Variants in CDH18 observed in about 807,000 individuals in gnomAD.
CDH18 encodes cadherin 18.
Under a neutral mutation model 67.9 loss-of-function variants are expected in CDH18, and 31 were observed. That is an observed-to-expected ratio of 0.46 (90% confidence interval 0.34 to 0.62). The LOEUF (loss-of-function observed/expected upper bound fraction) is 0.62. CDH18 is among the 20% of genes least tolerant of loss of function. CDH18 has a pLI of 0.01. For synonymous variants in CDH18, 362 were observed against 347.2 expected, an observed-to-expected ratio of 1.04 and a Z score of -0.48; for missense variants, 890 against 975.5, an observed-to-expected ratio of 0.91 and a Z score of 1.17.
chr5:20,281,540 G>A (rs1746273338), intron 1 of CDH18, among the ~76,000 whole-genome samples: 1 of 152,036 alleles, frequency 6.6e-6, no homozygotes, highest in Non-Finnish European at 1.5e-5. Context: ...TTATTTCTGA[G>A]GGCTCTGTTC....
chr5:19,666,684 C>A (rs533253617), intron 5 of CDH18, among the ~76,000 whole-genome samples: 1 of 152,136 alleles, frequency 6.6e-6, no homozygotes, highest in African/African-American at 2.4e-5. Flanking sequence ...AGCTAACCTC[C>A]CAAAAGACAA....
intron 2 of CDH18, among the ~76,000 whole-genome samples, chr5:19,869,502 T>A (rs1785979239): frequency 6.6e-6 from 1 of 152,102 alleles, no homozygotes. Context: ...GAGTTGGTTT[T>A]TATTTTCTCT....
At chr5:20,194,792 C>A (rs1227495711) in intron 2 of CDH18, among the ~76,000 whole-genome samples, 1 of 151,862 alleles carries the variant, frequency 6.6e-6, no homozygotes, top group Admixed American at 6.6e-5. Flanking sequence ...GGATTTTCTT[C>A]CTCCCTCGTT....
chr5:19,877,356 C>T (rs1787137991), intron 2 of CDH18, among the ~76,000 whole-genome samples: 1 of 152,048 alleles, frequency 6.6e-6, no homozygotes, highest in Non-Finnish European at 1.5e-5. Flanking sequence ...TGTGGGTATG[C>T]TTTGATTGAG....
intron 5 of CDH18, among the ~76,000 whole-genome samples, chr5:19,679,403 A>T (rs1468207272): frequency 1.3e-5 from 2 of 152,020 alleles, no homozygotes; most frequent in Non-Finnish European, 2.9e-5. Context: ...CAAGACAAGC[A>T]TGCCTGCTCT....
chr5:20,501,581 T>TA (rs1554010522), intron 1 of CDH18, among the ~76,000 whole-genome samples: 2 of 13,040 alleles, frequency 1.5e-4, no homozygotes, highest in African/African-American at 4.1e-4. Flanking sequence ...TATATATATA[T>TA]TATATATATA....
At chr5:19,525,215 T>G (rs971346924) in intron 9 of CDH18, among the ~76,000 whole-genome samples, 4 of 152,208 alleles carry the variant, frequency 2.6e-5, no homozygotes, top group Admixed American at 2.6e-4. Flanking sequence ...CTGTCCTACC[T>G]CTGCCTTGTT....
At chr5:19,627,281 A>G (rs1751693490) in intron 5 of CDH18, among the ~76,000 whole-genome samples, 1 of 152,224 alleles carries the variant, frequency 6.6e-6, no homozygotes, top group South Asian at 2.1e-4. Context: ...AATAAAAATG[A>G]TTTTTAGCTT....
chr5:19,609,241 C>A (rs1323956581), intron 6 of CDH18, among the ~76,000 whole-genome samples: 2 of 151,852 alleles, frequency 1.3e-5, no homozygotes, highest in African/African-American at 4.8e-5. Flanking sequence ...GAATTTCAAG[C>A]CATAGATGGG....
intron 5 of CDH18, among the ~76,000 whole-genome samples, chr5:19,620,473 G>A (rs912099798): frequency 6.6e-6 from 1 of 152,070 alleles, no homozygotes; most frequent in Non-Finnish European, 1.5e-5. Flanking sequence ...TTTAGCCCTT[G>A]TAACTTGCAG....
At chr5:19,813,923 G>C (rs1468016493) in intron 3 of CDH18, among the ~76,000 whole-genome samples, 1 of 151,786 alleles carries the variant, frequency 6.6e-6, no homozygotes. Flanking sequence ...TGTGTGTTAA[G>C]TCTATTGAGA....
At chr5:19,601,771 T>A (rs1282549975) in intron 6 of CDH18, among the ~76,000 whole-genome samples, 1 of 152,100 alleles carries the variant, frequency 6.6e-6, no homozygotes, top group African/African-American at 2.4e-5. Flanking sequence ...GGGATTTTTT[T>A]TCCTGGAATA....
chr5:19,647,305 G>A (rs1421397552), intron 5 of CDH18, among the ~76,000 whole-genome samples: 1 of 151,596 alleles, frequency 6.6e-6, no homozygotes, highest in Non-Finnish European at 1.5e-5. Flanking sequence ...GGCGGATCAC[G>A]AGGTCAAGAG....
intron 3 of CDH18, among the ~76,000 whole-genome samples, chr5:19,831,641 C>T (rs1303344909): frequency 2.0e-5 from 3 of 152,002 alleles, no homozygotes; most frequent in Non-Finnish European, 2.9e-5. Context: ...GGAACACATA[C>T]ACTCTTGGTG....
chr5:20,446,352 C>T (rs746925482), intron 1 of CDH18, among the ~76,000 whole-genome samples: 6 of 152,102 alleles, frequency 3.9e-5, no homozygotes, highest in Non-Finnish European at 8.8e-5. Context: ...TTTCTTTTCT[C>T]ATAGCAGCTT....
intron 2 of CDH18, among the ~76,000 whole-genome samples, chr5:20,139,760 A>G (rs1371084185): frequency 6.6e-6 from 1 of 152,196 alleles, no homozygotes; most frequent in Non-Finnish European, 1.5e-5. Flanking sequence ...AATCAAAACC[A>G]CAATGAGATA....
chr5:19,592,777 T>C (rs1745380311), intron 6 of CDH18, among the ~76,000 whole-genome samples: 1 of 152,160 alleles, frequency 6.6e-6, no homozygotes, highest in Non-Finnish European at 1.5e-5. Flanking sequence ...TAGGACTTAT[T>C]CATTTTGCAT....
intron 10 of CDH18, among the ~76,000 whole-genome samples, chr5:19,516,166 G>A (rs1745961421): frequency 6.6e-6 from 1 of 151,872 alleles, no homozygotes. Flanking sequence ...GATTTGCGTA[G>A]GTTGAACCAG....
chr5:20,011,971 G>T (rs995849060), intron 2 of CDH18, among the ~76,000 whole-genome samples: 1 of 152,096 alleles, frequency 6.6e-6, no homozygotes, highest in Non-Finnish European at 1.5e-5. Context: ...TTAGGGAGGA[G>T]TCCCTCCTTT....
Sources: gnomAD v4.1 joint callset for allele counts (sites outside exome capture counted in the v4.1 genomes callset) on GRCh38, gnomAD v4.1.1 for gene constraint, MANE v1.5 for transcripts, NCBI Gene and HGNC (gene_info 2026-07-23, HGNC 2026-07-21) for gene names.